The following PARP14 variants were observed in gnomAD, a reference collection of about 807,000 sequenced individuals.
PARP14 encodes poly(ADP-ribose) polymerase family member 14.
In PARP14, 59 loss-of-function variants were observed where a neutral mutation model predicts 154.2. The observed-to-expected ratio is 0.38, with a 90% CI of 0.31 to 0.48. The LOEUF is 0.48. Ranked by LOEUF, PARP14 falls within the 20% of genes least tolerant of loss-of-function variation. PARP14 has a pLI of 0.98. For missense variants in PARP14, 1,734 were observed against 2,131.6 expected (o/e 0.81, Z 3.67); for synonymous variants, 720 against 780.5 (o/e 0.92, Z 1.29).
At position 122,720,325 on chromosome 3, in the gene PARP14, T is replaced by C; in HGVS notation, c.4878T>C (p.Asp1626=). 1 of 1,613,136 alleles carries C rather than the reference T, an allele frequency of 6.2e-7. No individual in the cohort carries two copies. Among genetic ancestry groups the C allele is most frequent in the Non-Finnish European group, 8.5e-7 (1 of 1,179,490 alleles). ...NFCVVELLPS[D]PEYNTVASKF... ...GTGTGGTGGAGCTGCTGCCTAGTGA[T>C]CCTGAGTACAACACGGTGGCAAGCA... Residue 1626 remains aspartate, a synonymous_variant, in exon 15 of 17, where the codon GAT becomes GAC. Transcript: ENST00000474629.
chr3:122,697,078 G>A (rs561259404), intron 5 of PARP14, among the ~76,000 whole-genome samples: 7 of 152,214 alleles, frequency 4.6e-5, no homozygotes, highest in African/African-American at 1.7e-4. Flanking sequence ...TCAGCCTCCA[G>A]AGTAGCTGGG....
chr3:122,710,434 G>A (rs887074849), intron 9 of PARP14, among the ~76,000 whole-genome samples: 1 of 152,126 alleles, frequency 6.6e-6, no homozygotes, highest in Admixed American at 6.5e-5. Context: ...TTTTATACCA[G>A]TACCTTGCTG....
intron 8 of PARP14, among the ~76,000 whole-genome samples, chr3:122,707,335 T>C (rs1291422792): frequency 1.3e-5 from 2 of 151,218 alleles, no homozygotes; most frequent in East Asian, 3.9e-4. Flanking sequence ...GAACCAAGAT[T>C]GTGCCACTAC....
chr3:122,728,298 C>A lies in PARP14; in HGVS notation c.5117-10C>A, dbSNP rs1933341487. On this transcript the variant is annotated splice_polypyrimidine_tract_variant and intron_variant, in intron 16 of 16. Transcript: ENST00000474629. Reference sequence around the variant, plus strand: ...CTTGAAATGCTTAAAAATGGTTTTTCTTTTCACAGCTGTGGCATATGGAAA... The same window carrying A: ...CTTGAAATGCTTAAAAATGGTTTTTATTTTCACAGCTGTGGCATATGGAAA... The A allele has an allele frequency of 6.2e-7, 1 of 1,602,116 alleles. No homozygotes were observed. Among genetic ancestry groups the A allele is most frequent in the Non-Finnish European group, 8.5e-7 (1 of 1,171,494 alleles).
chr3:122,685,566 G>A (rs996708978), intron 2 of PARP14, among the ~76,000 whole-genome samples: 28 of 150,874 alleles, frequency 1.9e-4, no homozygotes, highest in Admixed American at 7.3e-4. Flanking sequence ...CTGGAGTACA[G>A]TGGTATAATC....
intron 5 of PARP14, among the ~76,000 whole-genome samples, chr3:122,696,153 C>G (rs1938765759): frequency 6.6e-6 from 1 of 152,110 alleles, no homozygotes; most frequent in Non-Finnish European, 1.5e-5. Context: ...TTGGAGTGAC[C>G]CTGTGAAACC....
intron 6 of PARP14, among the ~76,000 whole-genome samples, chr3:122,702,993 TAAAAAAA>T (rs10707029): frequency 2.4e-5 from 2 of 83,950 alleles, no homozygotes; most frequent in Non-Finnish European, 4.9e-5. Flanking sequence ...CCCTCTCTCT[TAAAAAAA>T]AAAAAAAAAA....
rs1576605643 is a variant in PARP14, at chr3:122,727,868, T to C, written c.4998T>C (p.Thr1666=). The C allele has an allele frequency of 6.2e-7, 1 of 1,613,256 alleles. No homozygotes were observed. The highest frequency in any genetic ancestry group is 1.3e-5 in the African/African-American group (1 of 74,912). ...ATAGCTACCAGGCAAAGAAAAAAAC[T>C]ATGGATGCCAAGAATGGCCAGACAA... ...LWNSYQAKKK[T]MDAKNGQTMN... is the part of the protein sequence containing the mutation. The change falls in exon 16 of 17, where the codon ACT becomes ACC. Residue 1666 remains threonine, a synonymous_variant. Transcript: ENST00000474629.
chr3:122,719,946 G>A (rs973770069), intron 14 of PARP14, among the ~76,000 whole-genome samples: 7 of 152,212 alleles, frequency 4.6e-5, no homozygotes, highest in African/African-American at 1.7e-4. Context: ...AAACACAGAT[G>A]AGTTATACTG....
At chr3:122,724,788 A>G (rs908692272) in intron 15 of PARP14, among the ~76,000 whole-genome samples, 5 of 152,072 alleles carry the variant, frequency 3.3e-5, no homozygotes, top group Non-Finnish European at 7.4e-5. Flanking sequence ...CTAGGCAGAG[A>G]TCCCTGCGGC....
chr3:122,704,224 T>C (rs1177599442), intron 7 of PARP14, among the ~76,000 whole-genome samples: 1 of 152,214 alleles, frequency 6.6e-6, no homozygotes, highest in Admixed American at 6.5e-5. Context: ...TTACTGAAGA[T>C]AATATTATTG....
At chr3:122,726,823 G>A (rs1260689002) in intron 15 of PARP14, among the ~76,000 whole-genome samples, 1 of 151,680 alleles carries the variant, frequency 6.6e-6, no homozygotes, top group Non-Finnish European at 1.5e-5. Flanking sequence ...AAAATGTAAG[G>A]TAAATGAAAT....
At chr3:122,720,740 T>G (rs976407861) in intron 15 of PARP14, 1 of 463,614 alleles carries the variant, frequency 2.2e-6, no homozygotes, top group South Asian at 1.5e-5. Flanking sequence ...CAGGACCATG[T>G]TACTCTGCCC....
At position 122,680,990 on chromosome 3, in the gene PARP14, G is replaced by C. The variant is rs1186571316; in HGVS notation, c.107G>C (p.Arg36Thr). 8.1e-6 allele frequency: 13 copies of C among 1,613,678 alleles called. No individual in the cohort carries two copies. The highest frequency in any genetic ancestry group is 1.1e-5 in the Non-Finnish European group (13 of 1,179,724). ...CAGATGTACTTCCAGAGCCCGAAGA[G>C]GTCGGGAGGCGGCGAGTGTGAGGTC... The part of the protein sequence containing the change: ...KLQMYFQSPK[R>T]SGGGECEVRQ... Residue 36 changes from arginine to threonine, a missense_variant, in exon 1 of 17, where the codon AGG (arginine) becomes ACG (threonine). This residue lies in a region of PARP14 where 1,646 missense variants were observed against 1,976.0 expected (regional missense o/e 0.83). Transcript: ENST00000474629.
intron 5 of PARP14, among the ~76,000 whole-genome samples, chr3:122,697,372 G>A (rs112390545): frequency 6.6e-5 from 10 of 152,302 alleles, no homozygotes; most frequent in South Asian, 2.1e-4. Context: ...TGCACATGAC[G>A]AAACTGAAGC....
Position 122,704,665 on chromosome 3 carries a change from T to C in PARP14, c.3457T>C (p.Phe1153Leu). The C allele has an allele frequency of 6.2e-7, 1 of 1,607,146 alleles. No individual in the cohort carries two copies. Among genetic ancestry groups the C allele is most frequent in the Non-Finnish European group, 8.5e-7 (1 of 1,176,120 alleles). ...IFAELIISEV[F>L]KFSSKNQLKT... ...CGCTGAATTAATCATTTCAGAGGTG[T>C]TCAAATTTAGTAGCAAGAATCAGCT... Residue 1153 changes from phenylalanine (F) to leucine (L), a missense_variant, in exon 8 of 17, where the codon TTC becomes CTC. Coordinates refer to ENST00000474629, the MANE Select transcript of PARP14 (RefSeq NM_017554.3).
intron 6 of PARP14, among the ~76,000 whole-genome samples, chr3:122,702,401 G>T (rs1208641128): frequency 6.6e-6 from 1 of 151,992 alleles, no homozygotes; most frequent in African/African-American, 2.4e-5. Context: ...ATTTTTTTTG[G>T]TAGAGATGGG....
At chr3:122,715,307 C>T (rs538008192) in intron 12 of PARP14, among the ~76,000 whole-genome samples, 12 of 152,040 alleles carry the variant, frequency 7.9e-5, no homozygotes, top group African/African-American at 2.4e-5. Context: ...TTCTGTTGCT[C>T]GGGAATCTAA....
Position 122,699,404 on chromosome 3 carries a change from A to G in PARP14, c.850A>G (p.Met284Val). Residue 284 changes from methionine to valine, a missense_variant, in exon 6 of 17, where the codon ATG (methionine) becomes GTG (valine). Transcript: ENST00000474629. ...FFDRKVLDTI[M>V]ATKLDFNKMP... ...TTCCTTTTAAGTGTTAGACACCATC[A>G]TGGCCACAAAACTCGACTTCAATAA... The G allele has an allele frequency of 6.2e-7, 1 of 1,607,120 alleles. No homozygotes were observed. Among genetic ancestry groups the G allele is most frequent in the Non-Finnish European group, 8.5e-7 (1 of 1,175,340 alleles).
Sources: gnomAD v4.1 joint callset for allele counts (sites outside exome capture counted in the v4.1 genomes callset) on GRCh38, gnomAD v4.1.1 for gene constraint, gnomAD v4.1.1 regional missense constraint, MANE v1.5 for transcripts, NCBI Gene and HGNC (gene_info 2026-07-23, HGNC 2026-07-21) for gene names.